Variants in BOP1 observed in about 807,000 individuals in gnomAD.
BOP1 encodes the protein BOP1 ribosomal biogenesis factor, also known as ribosome biogenesis protein BOP1.
BOP1 carries 54 observed loss-of-function variants against 82.9 expected under a neutral mutation model. The ratio of observed to expected loss-of-function variants is 0.65; its 90% CI spans 0.52 to 0.82. The LOEUF (loss-of-function observed/expected upper bound fraction) is 0.82. BOP1 is among the 40% of genes least tolerant of loss of function. BOP1 has a pLI of 0.00. For synonymous variants in BOP1, 566 were observed against 451.1 expected (o/e 1.25, Z -3.23); for missense variants, 1,170 against 1,072.0 (o/e 1.09, Z -1.28).
chr8:144,291,272 C>A lies in BOP1; in HGVS notation c.99G>T (p.Glu33Asp). The change falls in exon 1 of 16, where the codon GAG becomes GAT. Residue 33 changes from glutamate (E) to aspartate (D), a missense_variant and splice_region_variant. Glu to Asp is a conservative substitution (Grantham distance 45). Coordinates refer to ENST00000569669, the MANE Select transcript of BOP1 (RefSeq NM_015201.5). This position sits in a 1 kb window ranked among gnomAD's most constrained non-coding sequence, Gnocchi z 4.1. ...CGCCGCCCCGCATCGCCACAGTCAC[C>A]TCCGGCTCGGGCTCAGGCTCCAGTT... is the stretch of plus-strand genomic sequence containing the variant. ...EPELEPEPEP[E>D]PPLLCTSPLS... 1 of 1,459,550 alleles carries A rather than the reference C, an allele frequency of 6.9e-7. No individual in the cohort carries two copies. The highest frequency in any genetic ancestry group is 9.0e-7 in the Non-Finnish European group (1 of 1,107,886). 90.4% of individuals were successfully genotyped at this position (1,459,550 alleles called of 1,614,324 possible).
At chr8:144,271,094 G>A (rs1366614987) in intron 3 of BOP1, among the ~76,000 whole-genome samples, 14 of 151,362 alleles carry the variant, frequency 9.2e-5, no homozygotes, top group Non-Finnish European at 1.5e-4. Context: ...CCGGCCGGCC[G>A]GGGGCACACA....
intron 3 of BOP1, chr8:144,266,724 G>C (rs1169914481): frequency 5.1e-6 from 6 of 1,178,992 alleles, no homozygotes; most frequent in Non-Finnish European, 4.3e-6. Flanking sequence ...GCTCCGACGA[G>C]AAACCCTGTC....
Position 144,291,428 on chromosome 8 carries a change from G to A in BOP1, c.-58C>T. 6.6e-6 allele frequency: 7 copies of A among 1,055,474 alleles called. No homozygotes were observed. Among genetic ancestry groups the A allele is most frequent in the Non-Finnish European group, 6.9e-6 (6 of 865,026 alleles). The allele number at this position is 1,055,474 out of a possible 1,614,324, so 65.4% of individuals were successfully genotyped here. ...CCGCTTCCGACAGCGACCGGGCCGCGTGCGCAGGAGGACGCGCCCCGCCCA... is the reference window on the plus strand; with the variant it reads ...CCGCTTCCGACAGCGACCGGGCCGCATGCGCAGGAGGACGCGCCCCGCCCA... On this transcript the variant is annotated 5_prime_UTR_variant, in exon 1 of 16. The change creates a new upstream start codon in the 5' untranslated region. Transcript: ENST00000569669. This position sits in a 1 kb window ranked among gnomAD's most constrained non-coding sequence, Gnocchi z 4.1.
chr8:144,265,386 A>T, intron 3 of BOP1: 1 of 515,112 alleles, frequency 1.9e-6, no homozygotes, highest in South Asian at 2.3e-5. Flanking sequence ...ACAGACAGGG[A>T]TGACCTCATC....
intron 2 of BOP1, among the ~76,000 whole-genome samples, chr8:144,285,973 C>T (rs1814856508): frequency 6.6e-6 from 1 of 152,222 alleles, no homozygotes; most frequent in African/African-American, 2.4e-5. Context: ...CCTCACGTGG[C>T]CACGCTCATG....
chr8:144,290,220 G>A (rs1373659411), intron 1 of BOP1, among the ~76,000 whole-genome samples: 1 of 151,982 alleles, frequency 6.6e-6, no homozygotes, highest in African/African-American at 2.4e-5. Context: ...AGCTGGTGGT[G>A]GCGGGCACCT....
At chr8:144,265,151 G>C in intron 3 of BOP1, 80 bp from the exon 4 acceptor site, 1 of 1,507,480 alleles carries the variant, frequency 6.6e-7, no homozygotes, top group Non-Finnish European at 9.0e-7. Context: ...GAGCAGGTGA[G>C]GGGGTTGCAG....
chr8:144,279,683 C>T lies in BOP1; in HGVS notation c.310-3379G>A, dbSNP rs587747871. On this transcript the variant is annotated intron_variant, in intron 2 of 15. Coordinates refer to ENST00000569669, the MANE Select transcript of BOP1 (RefSeq NM_015201.5). ...CAAGAGACAGAGTCTATGTCCCCCCCGCCGCAAATCTGGGTGGGCTTGTGG... is the reference window on the plus strand; with the variant it reads ...CAAGAGACAGAGTCTATGTCCCCCCTGCCGCAAATCTGGGTGGGCTTGTGG... Among the ~76,000 whole-genome samples, 10 of 152,286 alleles carry T rather than the reference C, an allele frequency of 6.6e-5. No individual in the cohort carries two copies. In the South Asian group the frequency reaches 1.9e-3, roughly 28 times the overall value.
intron 2 of BOP1, among the ~76,000 whole-genome samples, chr8:144,277,003 A>C (rs1213957776): frequency 2.6e-5 from 4 of 152,164 alleles, no homozygotes; most frequent in African/African-American, 9.7e-5. Flanking sequence ...CAACCTGGAA[A>C]ACAGATTCTG....
chr8:144,264,471 G>A (rs1845309975), intron 6 of BOP1, 34 bp from the exon 7 acceptor site: 56 of 1,607,118 alleles, frequency 3.5e-5, no homozygotes, highest in South Asian at 8.8e-5. Flanking sequence ...CGGGCAGTGC[G>A]GGGCGGTCAG....
At chr8:144,269,347 G>A (rs956200874) in intron 3 of BOP1, among the ~76,000 whole-genome samples, 10 of 152,334 alleles carry the variant, frequency 6.6e-5, no homozygotes, top group Non-Finnish European at 1.3e-4. Context: ...AGGTGCGGGC[G>A]TCAGGGCGGC....
Position 144,289,103 on chromosome 8 carries a change from G to C in BOP1, c.301C>G (p.Gln101Glu), listed in dbSNP as rs1554839792. The change falls in exon 2 of 16, where the codon CAG becomes GAG. Residue 101 changes from glutamine to glutamate, a missense_variant. Gln to Glu is a conservative substitution (Grantham distance 29). Coordinates refer to ENST00000569669, the MANE Select transcript of BOP1 (RefSeq NM_015201.5). The part of the protein sequence containing the change: ...HSGIKKTTEE[Q>E]VQASTPCPRT... ...GCTCCTCGCTCACCCACCTGCACCTGCTCCTCAGTGGTCTTTTTAATCCCA... is the reference window on the plus strand; with the variant it reads ...GCTCCTCGCTCACCCACCTGCACCTCCTCCTCAGTGGTCTTTTTAATCCCA... 6.2e-7 allele frequency: 1 copy of C among 1,614,080 alleles called. No homozygotes were observed. Among genetic ancestry groups the C allele is most frequent in the Non-Finnish European group, 8.5e-7 (1 of 1,180,008 alleles).
chr8:144,264,651 G>A, intron 5 of BOP1, 35 bp from the exon 6 acceptor site: 1 of 1,571,230 alleles, frequency 6.4e-7, no homozygotes, highest in East Asian at 2.3e-5. Context: ...GGGCCAGAGT[G>A]GCTGAGGCCC....
chr8:144,266,314 C>T (rs1214956044), intron 3 of BOP1, among the ~76,000 whole-genome samples: 3 of 151,960 alleles, frequency 2.0e-5, no homozygotes, highest in African/African-American at 4.8e-5. Flanking sequence ...GCCCCCCCCA[C>T]CCCCGCCAAA....
chr8:144,275,602 G>A (rs1554838230), intron 3 of BOP1, among the ~76,000 whole-genome samples: 2 of 152,182 alleles, frequency 1.3e-5, no homozygotes, highest in Non-Finnish European at 2.9e-5. Flanking sequence ...AGAAACAGCC[G>A]ACCTCCTGCC....
intron 3 of BOP1, among the ~76,000 whole-genome samples, chr8:144,275,203 C>A (rs960945168): frequency 2.6e-5 from 4 of 152,076 alleles, no homozygotes; most frequent in African/African-American, 9.7e-5. Context: ...TACACCAAAG[C>A]CTTCTCCTTC....
intron 3 of BOP1, chr8:144,266,926 G>A: frequency 1.9e-6 from 3 of 1,556,044 alleles, no homozygotes; most frequent in Non-Finnish European, 1.7e-6. Context: ...GATCCCCACC[G>A]AGCCCGCCGA....
chr8:144,263,010 G>C lies in BOP1; in HGVS notation c.1737C>G (p.His579Gln). The change falls in exon 13 of 16, where the codon CAC (histidine) becomes CAG (glutamine). Residue 579 changes from histidine to glutamine, a missense_variant. His to Gln is a conservative substitution (Grantham distance 24). Transcript: ENST00000569669. Reference protein sequence around the residue: ...RRSQSPFRRSHGQVQRVAFHP... With the variant: ...RRSQSPFRRSQGQVQRVAFHP... ...GGAAGGCCACTCGCTGCACCTGTCC[G>C]TGGCTGCGGCGGAACGGACTCTGGC... 6.4e-7 allele frequency: 1 copy of C among 1,560,170 alleles called. No homozygotes were observed. Among genetic ancestry groups the C allele is most frequent in the Non-Finnish European group, 8.6e-7 (1 of 1,160,942 alleles).
chr8:144,281,033 A>ATACCAGGTCTTTGGCCTTCTCTCACTTTC (rs1845664992), intron 2 of BOP1, among the ~76,000 whole-genome samples: 3 of 52,640 alleles, frequency 5.7e-5, no homozygotes, highest in East Asian at 4.3e-4. Context: ...CTCTCACTTT[A>ATACCAGGTCTTTGGCCTTCTCTCACTTTC]ATACCAGGTC....
Sources: allele counts gnomAD v4.1 joint callset (sites outside exome capture counted in the v4.1 genomes callset), GRCh38; gene constraint gnomAD v4.1.1; non-coding constraint Gnocchi (gnomAD v3.1); transcripts MANE v1.5; gene names NCBI Gene and HGNC (gene_info 2026-07-23, HGNC 2026-07-21).